TENM2: variants seen among roughly 807,000 people sequenced by gnomAD.
TENM2 encodes teneurin transmembrane protein 2.
Under a neutral mutation model 245.2 loss-of-function variants are expected in TENM2, and 52 were observed. The ratio of observed to expected loss-of-function variants is 0.21; its 90% CI spans 0.17 to 0.27. TENM2 has a LOEUF of 0.27. TENM2 is among the 10% of genes least tolerant of loss of function. The pLI is 1.00. For missense variants in TENM2, 3,046 were observed against 3,666.8 expected (o/e 0.83, Z 4.37); for synonymous variants, 1,363 against 1,438.9 (o/e 0.95, Z 1.19).
chr5:167,537,128 G>A (rs551095741), intron 2 of TENM2, among the ~76,000 whole-genome samples: 3 of 151,818 alleles, frequency 2.0e-5, no homozygotes, highest in Admixed American at 6.6e-5. Flanking sequence ...AAAGTTTGTT[G>A]AGGATGGGTA....
chr5:167,143,446 T>A, the TENM2 span, among the ~76,000 whole-genome samples: 1 of 152,246 alleles, frequency 6.6e-6, no homozygotes, highest in Non-Finnish European at 1.5e-5. Flanking sequence ...TTCATTCTGA[T>A]CTTACCTTTG....
intron 2 of TENM2, among the ~76,000 whole-genome samples, chr5:167,690,612 A>G (rs1582761379): frequency 6.6e-6 from 1 of 152,180 alleles, no homozygotes; most frequent in Non-Finnish European, 1.5e-5. Flanking sequence ...TTTCATCTGT[A>G]AAGAAAGGAG....
intron 3 of TENM2, among the ~76,000 whole-genome samples, chr5:167,893,165 GATAA>G (rs1375824653): frequency 5.3e-5 from 8 of 152,154 alleles, no homozygotes; most frequent in African/African-American, 1.9e-4. Context: ...TCCTGTCTGT[GATAA>G]ATAAGGGAAA....
chr5:167,915,498 G>C (rs1295196803), intron 3 of TENM2, among the ~76,000 whole-genome samples: 1 of 152,076 alleles, frequency 6.6e-6, no homozygotes, highest in Non-Finnish European at 1.5e-5. Flanking sequence ...CCAACCACCA[G>C]CTCCCTTCAG....
At chr5:168,175,029 CCA>C (rs1429136977) in intron 13 of TENM2, among the ~76,000 whole-genome samples, 3 of 152,116 alleles carry the variant, frequency 2.0e-5, no homozygotes, top group Non-Finnish European at 4.4e-5. Context: ...CTGATGGGGT[CCA>C]CAGACTTTGG....
chr5:167,019,358 G>C, the TENM2 span, among the ~76,000 whole-genome samples: 1 of 152,158 alleles, frequency 6.6e-6, no homozygotes. Flanking sequence ...AAGGCAAAAT[G>C]GGCTGGTAGG....
intron 28 of TENM2, among the ~76,000 whole-genome samples, chr5:168,261,161 A>G (rs919953567): frequency 3.3e-5 from 5 of 152,046 alleles, no homozygotes; most frequent in African/African-American, 1.2e-4. Flanking sequence ...TCTCTCATTT[A>G]TCTAAGTGCC....
intron 11 of TENM2, among the ~76,000 whole-genome samples, chr5:168,125,552 G>A (rs1168205608): frequency 6.6e-6 from 1 of 152,082 alleles, no homozygotes; most frequent in African/African-American, 2.4e-5. Flanking sequence ...AAATGGAACA[G>A]TTCAACAGTT....
At chr5:167,403,511 G>A (rs746773730) in intron 2 of TENM2, among the ~76,000 whole-genome samples, 3 of 152,000 alleles carry the variant, frequency 2.0e-5, no homozygotes, top group Non-Finnish European at 4.4e-5. Flanking sequence ...TCAATGCTTC[G>A]CAGGTCTTCA....
chr5:167,128,448 G>A, the TENM2 span, among the ~76,000 whole-genome samples: 1 of 151,872 alleles, frequency 6.6e-6, no homozygotes, highest in South Asian at 2.1e-4. Flanking sequence ...TTGGAATGAG[G>A]ACAGGGCTCA....
intron 2 of TENM2, among the ~76,000 whole-genome samples, chr5:167,615,235 C>G (rs1777720099): frequency 6.6e-6 from 1 of 151,844 alleles, no homozygotes; most frequent in South Asian, 2.1e-4. Context: ...AATTTTTTTT[C>G]TATATGTTTA....
the TENM2 span, among the ~76,000 whole-genome samples, chr5:167,073,756 C>A: frequency 6.6e-6 from 1 of 152,148 alleles, no homozygotes; most frequent in South Asian, 2.1e-4. Flanking sequence ...TCCTAGAGTG[C>A]AAAGGCCTTT....
At chr5:167,023,641 C>G in the TENM2 span, among the ~76,000 whole-genome samples, 1 of 152,176 alleles carries the variant, frequency 6.6e-6, no homozygotes, top group African/African-American at 2.4e-5. Flanking sequence ...TACAATCAGT[C>G]AATGAATTAA....
chr5:167,681,687 T>C (rs1563729), intron 2 of TENM2, among the ~76,000 whole-genome samples: 67,143 of 151,896 alleles, frequency 0.44, 17,853 homozygotes, highest in East Asian at 0.94. Flanking sequence ...ACATAATACA[T>C]ACAAATATAT....
intron 26 of TENM2, 115 bp from the exon 29 acceptor site, chr5:168,246,642 C>T (rs928856446): frequency 9.5e-7 from 1 of 1,052,314 alleles, no homozygotes; most frequent in Non-Finnish European, 1.4e-6. Flanking sequence ...TCTAAGCTTC[C>T]CATCTTTCAT....
intron 5 of TENM2, among the ~76,000 whole-genome samples, chr5:168,026,182 C>T (rs555122580): frequency 6.6e-6 from 1 of 152,298 alleles, no homozygotes; most frequent in Non-Finnish European, 1.5e-5. Flanking sequence ...GAAGCCTGTC[C>T]TTCCCTGAGG....
chr5:167,930,105 G>T (rs1182319434), intron 3 of TENM2, among the ~76,000 whole-genome samples: 1 of 152,166 alleles, frequency 6.6e-6, no homozygotes, highest in Admixed American at 6.5e-5. Context: ...TGCACTCCAG[G>T]GAAATCGCAG....
intron 5 of TENM2, among the ~76,000 whole-genome samples, chr5:168,002,319 G>A (rs1025092955): frequency 6.6e-6 from 1 of 152,128 alleles, no homozygotes. Flanking sequence ...ATAAAAGAAG[G>A]GCATATTACC....
At chr5:167,379,930 C>CAAAAAAAAAAAAAAAA (rs1491586219) in intron 2 of TENM2, among the ~76,000 whole-genome samples, 1 of 69,394 alleles carries the variant, frequency 1.4e-5, no homozygotes, top group African/African-American at 1.0e-4. Flanking sequence ...TAAAAACATA[C>CAAAAAAAAAAAAAAAA]CAAAAAAAAA....
Sources: allele counts gnomAD v4.1 joint callset (sites outside exome capture counted in the v4.1 genomes callset), GRCh38; gene constraint gnomAD v4.1.1; transcripts MANE v1.5; gene names NCBI Gene and HGNC (gene_info 2026-07-23, HGNC 2026-07-21).